The following PALD1 variants were observed in gnomAD, a reference collection of about 807,000 sequenced individuals.
PALD1 encodes the protein phosphatase domain containing paladin 1.
In PALD1, 57 loss-of-function variants were observed where a neutral mutation model predicts 96.0. The observed-to-expected ratio is 0.59, with a 90% CI of 0.48 to 0.74. The LOEUF (loss-of-function observed/expected upper bound fraction) is 0.74. Ranked by LOEUF, PALD1 falls within the 30% of genes least tolerant of loss-of-function variation. The pLI is 0.00. For missense variants in PALD1, 1,063 were observed against 1,143.7 expected (o/e 0.93, Z 1.02); for synonymous variants, 464 against 473.6 (o/e 0.98, Z 0.26).
At chr10:70,565,072 G>A (rs557119519) in intron 19 of PALD1, among the ~76,000 whole-genome samples, 2 of 152,346 alleles carry the variant, frequency 1.3e-5, no homozygotes, top group South Asian at 4.1e-4. Flanking sequence ...GCTGCGTTGG[G>A]GACTTGGGGA....
rs1847226270 is a variant in PALD1, at chr10:70,540,779, G to A, written c.1909-323G>A. Reference sequence around the variant, plus strand: ...GCCAGCAGTCTATGTGCAGCCCAGGGGCGCAGTACACAGGGGTGACATACA... The same window carrying A: ...GCCAGCAGTCTATGTGCAGCCCAGGAGCGCAGTACACAGGGGTGACATACA... On this transcript the variant is annotated intron_variant, in intron 15 of 19. Coordinates refer to ENST00000263563, the MANE Select transcript of PALD1 (RefSeq NM_014431.3). The surrounding 1 kb of genome is among the most constrained non-coding windows in gnomAD (Gnocchi z 4.2). 1.3e-5 allele frequency among the ~76,000 whole-genome samples: 2 copies of A among 152,300 alleles called. No individual in the cohort carries two copies. The highest frequency in any genetic ancestry group is 3.4e-3 in the Middle Eastern group (1 of 294).
intron 18 of PALD1, among the ~76,000 whole-genome samples, chr10:70,555,926 G>A (rs1195065047): frequency 5.9e-5 from 9 of 152,134 alleles, no homozygotes; most frequent in East Asian, 1.9e-4. Flanking sequence ...GCGTGAACCC[G>A]GGAGGCGGAG....
intron 1 of PALD1, among the ~76,000 whole-genome samples, chr10:70,504,546 G>A (rs1461040190): frequency 1.3e-5 from 2 of 152,076 alleles, no homozygotes; most frequent in Non-Finnish European, 2.9e-5. Context: ...ACAAAAACAC[G>A]TATTTATAAA....
chr10:70,484,561 A>G (rs2132258083), intron 1 of PALD1, among the ~76,000 whole-genome samples: 1 of 150,508 alleles, frequency 6.6e-6, no homozygotes, highest in East Asian at 2.0e-4. Flanking sequence ...TTTTTTTGAG[A>G]CAGAGTCTCG....
chr10:70,557,481 C>T (rs1847634603), intron 18 of PALD1, among the ~76,000 whole-genome samples: 1 of 152,190 alleles, frequency 6.6e-6, no homozygotes, highest in Non-Finnish European at 1.5e-5. Flanking sequence ...AGGTCAAGTC[C>T]CTTCACACTT....
chr10:70,547,241 C>G, intron 17 of PALD1, 65 bp from the exon 18 acceptor site: 2 of 1,499,556 alleles, frequency 1.3e-6, no homozygotes, highest in Non-Finnish European at 1.9e-6. Flanking sequence ...AGGGTGCAAG[C>G]CTGGTGCTTG....
At chr10:70,565,861 C>A (rs3740445) in intron 19 of PALD1, among the ~76,000 whole-genome samples, 1 of 151,952 alleles carries the variant, frequency 6.6e-6, no homozygotes, top group Admixed American at 6.6e-5. Flanking sequence ...AGCCTGGGGC[C>A]GAGAGGAAGC....
At chr10:70,532,485 GT>G in intron 5 of PALD1, 135 bp from the exon 6 acceptor site, 1 of 819,084 alleles carries the variant, frequency 1.2e-6, no homozygotes, top group Non-Finnish European at 1.9e-6. Flanking sequence ...ACTTCTGGCT[GT>G]GTAGTTCCCT....
At chr10:70,461,357 C>G in the PALD1 span, among the ~76,000 whole-genome samples, 195 of 152,364 alleles carry the variant, frequency 1.3e-3, 1 homozygote, top group African/African-American at 4.4e-3. Context: ...TTACTGTCAG[C>G]TGGAATTATG....
intron 1 of PALD1, among the ~76,000 whole-genome samples, chr10:70,521,247 G>A: frequency 6.6e-6 from 1 of 152,144 alleles, no homozygotes; most frequent in East Asian, 1.9e-4. Context: ...GAAGGGGACA[G>A]TGTGAGGTGC....
rs375817135 is a variant in PALD1 at position 70,533,997 on chromosome 10, G to T, written c.946G>T (p.Val316Leu). ...CCTCGTCTTCAGCTGCCAGATGGGC[G>T]TGGGCAGGACCAACCTGGGCATGGT... ...PALVFSCQMG[V>L]GRTNLGMVLG... Residue 316 changes from valine to leucine, a missense_variant, in exon 8 of 20, where the codon GTG becomes TTG. Val to Leu is a conservative substitution (Grantham distance 32, BLOSUM62 1). Transcript: ENST00000263563. 3 of 1,613,286 alleles carry T rather than the reference G, an allele frequency of 1.9e-6. No individual in the cohort carries two copies. The Admixed American group carries it at 5.0e-5, about 27-fold the overall frequency.
chr10:70,471,110 C>CTGTGT, the PALD1 span, among the ~76,000 whole-genome samples: 22 of 152,066 alleles, frequency 1.4e-4, 1 homozygote, highest in African/African-American at 5.3e-4. Flanking sequence ...GCGTGAGCCA[C>CTGTGT]CGTGTCCGGC....
chr10:70,491,834 A>G (rs1024144655), intron 1 of PALD1, among the ~76,000 whole-genome samples: 2 of 152,228 alleles, frequency 1.3e-5, no homozygotes, highest in South Asian at 4.1e-4. Flanking sequence ...ATGTAAGGGG[A>G]ATCATGTAAT....
chr10:70,491,009 G>A (rs923524918), intron 1 of PALD1, among the ~76,000 whole-genome samples: 3 of 152,010 alleles, frequency 2.0e-5, no homozygotes, highest in Admixed American at 1.3e-4. Context: ...GGCATGGTGC[G>A]ATCTGGGCTC....
chr10:70,489,915 C>G (rs1431218654), intron 1 of PALD1, among the ~76,000 whole-genome samples: 2 of 152,044 alleles, frequency 1.3e-5, no homozygotes, highest in Non-Finnish European at 2.9e-5. Context: ...TTTTTGTAGA[C>G]TCCCTCTCTC....
At chr10:70,497,735 T>TTTTG (rs572975381) in intron 1 of PALD1, among the ~76,000 whole-genome samples, 124 of 151,318 alleles carry the variant, frequency 8.2e-4, no homozygotes, top group Non-Finnish European at 1.5e-4. Context: ...CCTGGCTAAT[T>TTTTG]TGTGTGTGTG....
chr10:70,549,788 G>A (rs777075515), intron 18 of PALD1, among the ~76,000 whole-genome samples: 2 of 152,226 alleles, frequency 1.3e-5, no homozygotes, highest in Non-Finnish European at 2.9e-5. Flanking sequence ...GCTTGACTCT[G>A]TTGGCATTGG....
At position 70,526,056 on chromosome 10, in the gene PALD1, C is replaced by T. The variant is rs771688354; in HGVS notation, c.105C>T (p.Ile35=). ...GTMDSRHSVS[I]HSFQSTSLHN... is the part of the protein sequence containing the mutation. ...TGGACAGTCGGCACTCCGTCAGCAT[C>T]CACTCCTTCCAGAGCACTAGCTTGC... The change falls in exon 2 of 20, where the codon ATC becomes ATT. Residue 35 remains isoleucine, a synonymous_variant. Transcript: ENST00000263563. 16 of 1,614,166 alleles carry T rather than the reference C, an allele frequency of 9.9e-6. No individual in the cohort carries two copies. The highest frequency in any genetic ancestry group is 1.3e-5 in the Non-Finnish European group (15 of 1,180,012).
At chr10:70,522,739 C>G (rs1589193585) in intron 1 of PALD1, among the ~76,000 whole-genome samples, 1 of 152,324 alleles carries the variant, frequency 6.6e-6, no homozygotes, top group East Asian at 1.9e-4. Flanking sequence ...ACCCCACCTG[C>G]ACCCCTACCT....
Sources: allele counts gnomAD v4.1 joint callset (sites outside exome capture counted in the v4.1 genomes callset), GRCh38; gene constraint gnomAD v4.1.1; non-coding constraint Gnocchi (gnomAD v3.1); transcripts MANE v1.5; gene names NCBI Gene and HGNC (gene_info 2026-07-23, HGNC 2026-07-21).